AASS: variants seen among roughly 807,000 people sequenced by gnomAD.
The protein encoded by AASS is alpha-aminoadipic semialdehyde synthase, mitochondrial.
Under a neutral mutation model 105.4 loss-of-function variants are expected in AASS, and 86 were observed. The observed-to-expected ratio is 0.82, with a 90% CI of 0.69 to 0.98. The LOEUF (loss-of-function observed/expected upper bound fraction) is 0.98. Among genes scored for constraint, AASS ranks in the 50% least tolerant of loss-of-function variants. The pLI is 0.00. For missense variants in AASS, 1,048 were observed against 1,143.2 expected (o/e 0.92, Z 1.20); for synonymous variants, 381 against 394.8 (o/e 0.96, Z 0.41).
rs148427928 is a variant in AASS at position 122,103,675 on chromosome 7, T to C, written c.1279-1995A>G. Among the ~76,000 whole-genome samples, 690 of 151,912 alleles carry C rather than the reference T, an allele frequency of 4.5e-3. 9 individuals carry two copies. The highest frequency in any genetic ancestry group is 0.014 in the Admixed American group (218 of 15,212). The stretch of plus-strand genomic sequence containing the variant: ...AGCTACAATAAAGTATTAAGAAATA[T>C]GTAAGCTAAAAAGATGAAAATTGTG... On this transcript the variant is annotated intron_variant, in intron 11 of 23. Coordinates refer to ENST00000417368, the MANE Select transcript of AASS (RefSeq NM_005763.4).
At chr7:122,136,511 T>C (rs570285479) in intron 1 of AASS, among the ~76,000 whole-genome samples, 1 of 152,352 alleles carries the variant, frequency 6.6e-6, no homozygotes, top group Admixed American at 6.5e-5. Context: ...TGTTTATTCA[T>C]ATCTTCTGTT....
rs773164309 is a variant in AASS at position 122,118,544 on chromosome 7, CA to C, written c.540+18del. The C allele has an allele frequency of 7.4e-6, 12 of 1,613,818 alleles. No homozygotes were observed. In the Admixed American group the frequency reaches 2.0e-4, roughly 27 times the overall value. ...TGAGATGTGTTTTCAAAAAAATTAG[CA>C]AAATAAACATCTCTTACCATAAAAG... On this transcript the variant is annotated intron_variant, in intron 5 of 23. Coordinates refer to ENST00000417368, the MANE Select transcript of AASS (RefSeq NM_005763.4).
At chr7:122,084,676 G>A in intron 19 of AASS, among the ~76,000 whole-genome samples, 1 of 151,968 alleles carries the variant, frequency 6.6e-6, no homozygotes, top group South Asian at 2.1e-4. Flanking sequence ...ACAAATACCT[G>A]GAGGAAAAGT....
intron 15 of AASS, among the ~76,000 whole-genome samples, chr7:122,096,915 C>T (rs946703166): frequency 6.6e-5 from 10 of 151,980 alleles, no homozygotes; most frequent in East Asian, 1.9e-4. Flanking sequence ...ATTTAGATAC[C>T]TCTGTGTGGC....
In AASS at chr7:122,081,496, T is replaced by G; in HGVS notation, c.2280+4A>C. 1 of 1,610,814 alleles carries G rather than the reference T, an allele frequency of 6.2e-7. No homozygotes were observed. The highest frequency in any genetic ancestry group is 2.2e-5 in the East Asian group (1 of 44,864). On this transcript the variant is annotated splice_donor_region_variant and intron_variant, in intron 20 of 23. Coordinates refer to ENST00000417368, the MANE Select transcript of AASS (RefSeq NM_005763.4). ...CAGATAGAACGTAATTCGGAGTCAC[T>G]CACCCAGGTGAGAGGGTTGGCCTCA...
At chr7:122,109,139 G>A (rs1050515456) in intron 11 of AASS, among the ~76,000 whole-genome samples, 1 of 147,956 alleles carries the variant, frequency 6.8e-6, no homozygotes, top group African/African-American at 2.5e-5. Flanking sequence ...GAAAGACATT[G>A]AAGAAAACAA....
chr7:122,135,746 A>AT (rs1174066111), intron 1 of AASS, among the ~76,000 whole-genome samples: 1 of 152,154 alleles, frequency 6.6e-6, no homozygotes, highest in East Asian at 1.9e-4. Flanking sequence ...AAAAGTAGTT[A>AT]TTTTTTCCCT....
rs879461936 is a variant in AASS at position 122,117,626 on chromosome 7, TTATTTATTTATC to T, written c.687+669_688-670del. Among the ~76,000 whole-genome samples the T allele has an allele frequency of 4.0e-3, 600 of 151,744 alleles. 3 individuals are homozygous for T. Among genetic ancestry groups the T allele is most frequent in the Middle Eastern group, 6.8e-3 (2 of 292 alleles). On this transcript the variant is annotated intron_variant, in intron 6 of 23. Transcript: ENST00000417368. Reference sequence around the variant, plus strand: ...CACTGTTAACAATGAATTATCTTATTTATTTATTTATCTATTTATTTATTTATTTATTTATTT... The same window carrying T: ...CACTGTTAACAATGAATTATCTTATTTATTTATTTATTTATTTATTTATTT...
At chr7:122,132,011 A>G (rs1211171178) in intron 2 of AASS, among the ~76,000 whole-genome samples, 1 of 152,186 alleles carries the variant, frequency 6.6e-6, no homozygotes, top group Non-Finnish European at 1.5e-5. Flanking sequence ...CAAAAAAGCA[A>G]AAATTAAAGA....
chr7:122,136,988 A>G (rs181595805), intron 1 of AASS, among the ~76,000 whole-genome samples: 1 of 152,362 alleles, frequency 6.6e-6, no homozygotes, highest in Non-Finnish European at 1.5e-5. Context: ...CTATCTTGGA[A>G]GACTAGGGAA....
intron 23 of AASS, among the ~76,000 whole-genome samples, chr7:122,077,395 C>G (rs1422759459): frequency 6.6e-6 from 1 of 152,094 alleles, no homozygotes; most frequent in Non-Finnish European, 1.5e-5. Context: ...GAGTGAATAT[C>G]TTTTTCTATT....
At chr7:122,133,452 G>C in intron 2 of AASS, 65 bp downstream of exon 2, 1 of 1,533,914 alleles carries the variant, frequency 6.5e-7, no homozygotes, top group Non-Finnish European at 9.0e-7. Flanking sequence ...TTTTCACTCA[G>C]ATGCTCCTTA....
intron 20 of AASS, among the ~76,000 whole-genome samples, 191 bp downstream of exon 20, chr7:122,081,309 G>T (rs1023836592): frequency 6.6e-6 from 1 of 152,168 alleles, no homozygotes; most frequent in Non-Finnish European, 1.5e-5. Flanking sequence ...GGCCTGATAT[G>T]TGTCAGCCCC....
Position 122,083,539 on chromosome 7 carries a change from G to A in AASS, c.2185-1944C>T, listed in dbSNP as rs182884456. On this transcript the variant is annotated intron_variant, in intron 19 of 23. Transcript: ENST00000417368. The stretch of plus-strand genomic sequence containing the variant: ...CAGTCTCATCCATGCAGAAACTGCA[G>A]TCAACAGAAGGGTCAGATAAGTCAA... Among the ~76,000 whole-genome samples, 206 of 152,204 alleles carry A rather than the reference G, an allele frequency of 1.4e-3. 2 individuals carry two copies. Among genetic ancestry groups the A allele is most frequent in the Middle Eastern group, 0.01 (3 of 294 alleles).
chr7:122,121,817 C>A (rs1403104536), intron 4 of AASS, among the ~76,000 whole-genome samples: 1 of 151,964 alleles, frequency 6.6e-6, no homozygotes, highest in African/African-American at 2.4e-5. Flanking sequence ...TTTTTAAATA[C>A]TTCTATGTCA....
At chr7:122,123,225 T>C (rs1372149695) in intron 4 of AASS, among the ~76,000 whole-genome samples, 1 of 152,228 alleles carries the variant, frequency 6.6e-6, no homozygotes, top group Non-Finnish European at 1.5e-5. Flanking sequence ...TTTGGTACTA[T>C]GTGTTGCCAA....
chr7:122,140,485 C>CAAAAAAATAAAAAAAA (rs1796336940), intron 1 of AASS, among the ~76,000 whole-genome samples: 1 of 37,328 alleles, frequency 2.7e-5, no homozygotes, highest in Non-Finnish European at 4.7e-5. Flanking sequence ...GACTCAGTCT[C>CAAAAAAATAAAAAAAA]AAAAAAAAAA....
At chr7:122,094,534 C>T (rs1466601908) in intron 15 of AASS, among the ~76,000 whole-genome samples, 2 of 151,702 alleles carry the variant, frequency 1.3e-5, no homozygotes, top group Non-Finnish European at 2.9e-5. Context: ...ACAGCTTTAC[C>T]AAATAGTCAG....
rs1419532910 is a variant in AASS at position 122,079,686 on chromosome 7, C to A, written c.2307G>T (p.Gly769=). Residue 769 remains glycine (G), a synonymous_variant, in exon 21 of 24, where the codon GGG becomes GGT. Coordinates refer to ENST00000417368, the MANE Select transcript of AASS (RefSeq NM_005763.4). ...CATCATGCTCAGAGGAGGGTGAAAT[C>A]CCAACTAGGTCACAGAGGAGTTGTT... ...TWKQLLCDLV[G]ISPSSEHDVL... The A allele has an allele frequency of 5.0e-6, 8 of 1,613,592 alleles. No individual in the cohort carries two copies. Among genetic ancestry groups the A allele is most frequent in the Non-Finnish European group, 6.8e-6 (8 of 1,179,656 alleles).
Sources: gnomAD v4.1 joint callset for allele counts (sites outside exome capture counted in the v4.1 genomes callset) on GRCh38, gnomAD v4.1.1 for gene constraint, MANE v1.5 for transcripts, NCBI Gene and HGNC (gene_info 2026-07-23, HGNC 2026-07-21) for gene names.